Variants in ZNF131 observed in about 807,000 individuals in gnomAD.
ZNF131 encodes zinc finger protein 131.
In ZNF131, 7 loss-of-function variants were observed where a neutral mutation model predicts 60.0. The ratio of observed to expected loss-of-function variants is 0.12; its 90% CI spans 0.07 to 0.22. The LOEUF (loss-of-function observed/expected upper bound fraction) is 0.22. Among genes scored for constraint, ZNF131 ranks in the 10% least tolerant of loss-of-function variants. ZNF131 has a pLI of 1.00. For missense variants in ZNF131, 493 were observed against 740.9 expected (o/e 0.67, Z 3.88); for synonymous variants, 257 against 253.2 (o/e 1.01, Z -0.14).
chr5:43,123,139 C>A, intron 2 of ZNF131, 70 bp from the exon 3 acceptor site: 1 of 1,247,508 alleles, frequency 8.0e-7, no homozygotes, highest in South Asian at 1.4e-5. Flanking sequence ...ATTTTTAAGT[C>A]TATTTTGTAG....
intron 2 of ZNF131, among the ~76,000 whole-genome samples, chr5:43,122,758 C>T (rs140651910): frequency 0.012 from 1,891 of 152,282 alleles, 20 homozygotes; most frequent in Middle Eastern, 0.041. Flanking sequence ...TATGGGTCTA[C>T]CATAGATGGA....
rs143347711 is a variant in ZNF131, at chr5:43,162,048, T to C, written c.1054+117T>C. The C allele has an allele frequency of 2.0e-3, 1,979 of 972,040 alleles. 32 individuals are homozygous for C. In the African/African-American group the frequency reaches 0.03, roughly 15 times the overall value. 60.2% of individuals were successfully genotyped at this position (972,040 alleles called of 1,614,324 possible). ...AAGCCATCTCATGTATTATCTCTAA[T>C]GTGTAGGCTAAGTACACGTTTTTAT... On this transcript the variant is annotated intron_variant, in intron 5 of 6. Coordinates refer to ENST00000682664, the MANE Select transcript of ZNF131 (RefSeq NM_001330707.2).
At chr5:43,133,465 CAAAA>C (rs1344940099) in intron 3 of ZNF131, among the ~76,000 whole-genome samples, 2 of 151,866 alleles carry the variant, frequency 1.3e-5, no homozygotes, top group Non-Finnish European at 2.9e-5. Context: ...AACTCCATCT[CAAAA>C]AAAGAAAGAA....
intron 3 of ZNF131, among the ~76,000 whole-genome samples, chr5:43,136,476 CTTTTTTTTTTTTTTTTT>C (rs70991484): frequency 2.9e-5 from 2 of 70,050 alleles, no homozygotes; most frequent in African/African-American, 1.1e-4. Context: ...AGGCATCATA[CTTTTTTTTTTTTTTTTT>C]TTTTTTTTTT....
chr5:43,152,789 T>A (rs1418760965), intron 4 of ZNF131, among the ~76,000 whole-genome samples: 2 of 151,998 alleles, frequency 1.3e-5, no homozygotes, highest in Non-Finnish European at 2.9e-5. Context: ...TTATAATTTT[T>A]TGTGGAGATG....
intron 4 of ZNF131, among the ~76,000 whole-genome samples, chr5:43,149,459 T>G (rs1314227365): frequency 1.3e-5 from 2 of 152,246 alleles, no homozygotes; most frequent in Non-Finnish European, 2.9e-5. Flanking sequence ...ACATTTAGGT[T>G]GTTTCAAGTT....
intron 3 of ZNF131, among the ~76,000 whole-genome samples, chr5:43,129,180 C>T (rs897656742): frequency 1.3e-5 from 2 of 152,078 alleles, no homozygotes; most frequent in African/African-American, 2.4e-5. Context: ...AAGTGATCTG[C>T]GTGCTTCAGC....
chr5:43,159,530 C>T (rs1455416021), intron 4 of ZNF131, among the ~76,000 whole-genome samples: 1 of 151,824 alleles, frequency 6.6e-6, no homozygotes, highest in East Asian at 1.9e-4. Flanking sequence ...CCCGTCTCTA[C>T]TAAAAAATAC....
At chr5:43,145,956 G>A (rs896090408) in intron 4 of ZNF131, among the ~76,000 whole-genome samples, 33 of 152,112 alleles carry the variant, frequency 2.2e-4, no homozygotes, top group African/African-American at 8.0e-4. Flanking sequence ...TGGTAGAATT[G>A]GTATTGGAGC....
chr5:43,158,985 C>T (rs902880071), intron 4 of ZNF131, among the ~76,000 whole-genome samples: 1 of 152,076 alleles, frequency 6.6e-6, no homozygotes, highest in African/African-American at 2.4e-5. Flanking sequence ...ACTTCTGAGT[C>T]AGAAAGAAAG....
intron 3 of ZNF131, among the ~76,000 whole-genome samples, chr5:43,125,737 G>A (rs944940453): frequency 2.0e-5 from 3 of 151,694 alleles, no homozygotes; most frequent in African/African-American, 7.3e-5. Context: ...GCTGAGTCAC[G>A]CCATTGCACT....
Position 43,175,166 on chromosome 5 carries a change from G to C in ZNF131, c.*33G>C, listed in dbSNP as rs2112150852. 6.4e-7 allele frequency: 1 copy of C among 1,550,642 alleles called. No individual in the cohort carries two copies. The highest frequency in any genetic ancestry group is 1.4e-5 in the African/African-American group (1 of 72,310). ...CATGAATATATTTTTAAATTTACTTGTTGGGTTTTTGAACTGATTATGGGC... is the reference window on the plus strand; with the variant it reads ...CATGAATATATTTTTAAATTTACTTCTTGGGTTTTTGAACTGATTATGGGC... On this transcript the variant is annotated 3_prime_UTR_variant, in exon 7 of 7. Transcript: ENST00000682664.
intron 4 of ZNF131, among the ~76,000 whole-genome samples, chr5:43,160,300 C>T (rs772132034): frequency 6.1e-4 from 92 of 151,928 alleles, no homozygotes; most frequent in Non-Finnish European, 1.1e-3. Flanking sequence ...CCCAGGAGTT[C>T]AAGACCACCC....
In ZNF131 at chr5:43,161,882, A is replaced by T. The variant is rs1160480106; in HGVS notation, c.1005A>T (p.Lys335Asn). 1 of 1,611,192 alleles carries T rather than the reference A, an allele frequency of 6.2e-7. No individual in the cohort carries two copies. The change falls in exon 5 of 7, where the codon AAA becomes AAT. Residue 335 changes from lysine to asparagine, a missense_variant. Physicochemically the swap from Lys to Asn is moderately conservative, Grantham distance 94 (BLOSUM62 0). Around this residue, in one of 7 missense-constraint regions of ZNF131, gnomAD observed 22 missense variants for 26.7 expected, o/e 0.82. Coordinates refer to ENST00000682664, the MANE Select transcript of ZNF131 (RefSeq NM_001330707.2). ...KKIHVCQYCE[K>N]QFDHFGHFKE... Reference sequence around the variant, plus strand: ...TTCATGTATGTCAGTACTGTGAGAAACAGTTTGACCATTTTGGACATTTTA... The same window carrying T: ...TTCATGTATGTCAGTACTGTGAGAATCAGTTTGACCATTTTGGACATTTTA...
chr5:43,131,411 G>T (rs979932267), intron 3 of ZNF131, among the ~76,000 whole-genome samples: 1 of 152,110 alleles, frequency 6.6e-6, no homozygotes, highest in Non-Finnish European at 1.5e-5. Context: ...GACCTCAGGT[G>T]ATCCTCCTGC....
At chr5:43,121,911 C>T (rs1439394541) in intron 1 of ZNF131, 128 bp from the exon 2 acceptor site, 12 of 1,058,024 alleles carry the variant, frequency 1.1e-5, no homozygotes, top group African/African-American at 1.7e-5. Context: ...TCGCCTTTCT[C>T]TCCTCTTGCT....
Position 43,169,449 on chromosome 5 carries a change from A to C in ZNF131, c.1055-3869A>C, listed in dbSNP as rs1424072084. 3.9e-5 allele frequency among the ~76,000 whole-genome samples: 6 copies of C among 152,198 alleles called. No individual in the cohort carries two copies. In the East Asian group the frequency reaches 1.2e-3, roughly 29 times the overall value. Reference sequence around the variant, plus strand: ...CTGCTATCCTTTTCTGATTTATCAGATACATTCCTTGCATTTTCAGGTAGC... The same window carrying C: ...CTGCTATCCTTTTCTGATTTATCAGCTACATTCCTTGCATTTTCAGGTAGC... On this transcript the variant is annotated intron_variant, in intron 5 of 6. Transcript: ENST00000682664.
chr5:43,172,617 C>CAA (rs36072959), intron 5 of ZNF131, among the ~76,000 whole-genome samples: 11,081 of 130,964 alleles, frequency 0.085, 576 homozygotes, highest in Middle Eastern at 0.13. Flanking sequence ...GTAAGACTCT[C>CAA]AAAAAAAAAA....
chr5:43,166,364 C>CTT (rs1019949607), intron 5 of ZNF131, among the ~76,000 whole-genome samples: 3 of 131,302 alleles, frequency 2.3e-5, no homozygotes, highest in East Asian at 2.0e-4. Context: ...ACAAGTGACT[C>CTT]TTTTTTTTTT....
Sources: allele counts gnomAD v4.1 joint callset (sites outside exome capture counted in the v4.1 genomes callset), GRCh38; gene constraint gnomAD v4.1.1; regional missense constraint gnomAD v4.1.1; transcripts MANE v1.5; gene names NCBI Gene and HGNC (gene_info 2026-07-23, HGNC 2026-07-21).